MBTD1: variants seen among roughly 807,000 people sequenced by gnomAD.
MBTD1 encodes the protein mbt domain containing 1, also known as MBT domain-containing protein 1.
In MBTD1, 24 loss-of-function variants were observed where a neutral mutation model predicts 87.8. That is an observed-to-expected ratio of 0.27 (90% CI 0.20 to 0.38). The LOEUF is 0.38. Ranked by LOEUF, MBTD1 falls within the 10% of genes least tolerant of loss-of-function variation. The pLI is 1.00. For synonymous variants in MBTD1, 237 were observed against 248.6 expected (o/e 0.95, Z 0.44); for missense variants, 436 against 760.2 (o/e 0.57, Z 5.02).
intron 6 of MBTD1, among the ~76,000 whole-genome samples, chr17:51,216,377 G>A (rs2052570800): frequency 1.3e-5 from 2 of 152,166 alleles, no homozygotes; most frequent in African/African-American, 4.8e-5. Flanking sequence ...GTATTGGACA[G>A]AATTAATCAA....
intron 13 of MBTD1, among the ~76,000 whole-genome samples, chr17:51,194,532 G>GCATTC (rs1483707822): frequency 8.0e-6 from 1 of 125,160 alleles, no homozygotes; most frequent in East Asian, 2.5e-4. Context: ...TAGCACCCCT[G>GCATTC]CATTCCAGCC....
At chr17:51,251,238 C>T in intron 2 of MBTD1, 1 of 152,058 alleles carries the variant, frequency 6.6e-6, no homozygotes, top group East Asian at 1.9e-4. Context: ...TATTTCTGTT[C>T]ATTTCATAGG....
In MBTD1 at chr17:51,192,902, T is replaced by A; in HGVS notation, c.1570A>T (p.Ile524Leu). The A allele has an allele frequency of 6.2e-7, 1 of 1,614,156 alleles. No homozygotes were observed. The highest frequency in any genetic ancestry group is 8.5e-7 in the Non-Finnish European group (1 of 1,179,994). ...TCTTCTTCCCATCCATCAAAATGTA[T>A]CCTCAAGAGACGATGAATAATTCGA... ...VTRIIHRLLRIHFDGWEEEYD... is the reference protein window; with the variant it reads ...VTRIIHRLLRLHFDGWEEEYD... The change falls in exon 15 of 17, where the codon ATA becomes TTA. Residue 524 changes from isoleucine (I) to leucine (L), a missense_variant. By Grantham distance (5) the Ile-to-Leu change is conservative (BLOSUM62 2). Around this residue, in one of 5 missense-constraint regions of MBTD1, gnomAD observed 80 missense variants for 182.2 expected, o/e 0.44. Transcript: ENST00000586178.
chr17:51,259,613 G>A (rs567892999), intron 1 of MBTD1, among the ~76,000 whole-genome samples: 1 of 150,898 alleles, frequency 6.6e-6, no homozygotes, highest in South Asian at 2.1e-4. Flanking sequence ...GGAGGAGATG[G>A]AGAGAACCCC....
At chr17:51,237,312 A>G (rs937016294) in intron 2 of MBTD1, among the ~76,000 whole-genome samples, 4 of 151,438 alleles carry the variant, frequency 2.6e-5, no homozygotes, top group African/African-American at 4.8e-5. Context: ...AAAAAAAAAA[A>G]AAAGAAAAAG....
intron 2 of MBTD1, among the ~76,000 whole-genome samples, chr17:51,248,029 T>C (rs2054551235): frequency 6.6e-6 from 1 of 152,256 alleles, no homozygotes; most frequent in South Asian, 2.1e-4. Flanking sequence ...AAAATAGTTC[T>C]GTATTAAAAT....
chr17:51,223,065 A>G (rs1399823633), intron 3 of MBTD1, among the ~76,000 whole-genome samples: 1 of 151,852 alleles, frequency 6.6e-6, no homozygotes, highest in Non-Finnish European at 1.5e-5. Context: ...CGGCCTCCCA[A>G]AGTGCTGGGA....
At chr17:51,237,295 C>CAAAAAAA (rs368805446) in intron 2 of MBTD1, among the ~76,000 whole-genome samples, 38 of 59,706 alleles carry the variant, frequency 6.4e-4, no homozygotes, top group Middle Eastern at 9.4e-3. Flanking sequence ...GACTCCATCT[C>CAAAAAAA]AAAAAAAAAA....
At chr17:51,187,105 T>C (rs1265510564) in intron 16 of MBTD1, among the ~76,000 whole-genome samples, 4 of 152,078 alleles carry the variant, frequency 2.6e-5, no homozygotes, top group African/African-American at 4.8e-5. Context: ...CTGTAAATTC[T>C]TAAGCAATCT....
At chr17:51,218,597 T>TC (rs1394234525) in intron 5 of MBTD1, among the ~76,000 whole-genome samples, 2 of 150,948 alleles carry the variant, frequency 1.3e-5, no homozygotes, top group Non-Finnish European at 3.0e-5. Context: ...CTCTTACTAC[T>TC]CTTCTTCCCT....
intron 2 of MBTD1, among the ~76,000 whole-genome samples, chr17:51,247,764 C>T (rs984740400): frequency 1.3e-5 from 2 of 152,162 alleles, no homozygotes; most frequent in African/African-American, 2.4e-5. Flanking sequence ...ATTACTCTTA[C>T]GTCACAAAAA....
intron 1 of MBTD1, 142 bp downstream of exon 1, chr17:51,259,693 G>C (rs942718597): frequency 1.4e-6 from 1 of 719,450 alleles, no homozygotes; most frequent in African/African-American, 1.8e-5. Flanking sequence ...AAGGGGGAGG[G>C]GGGCTCCGGA....
At chr17:51,238,512 G>A (rs117218137) in intron 2 of MBTD1, among the ~76,000 whole-genome samples, 3,543 of 152,308 alleles carry the variant, frequency 0.023, 58 homozygotes, top group Non-Finnish European at 0.032. Flanking sequence ...CGTTACAGCT[G>A]TATAGCGGGT....
chr17:51,254,702 A>G (rs999706409), intron 2 of MBTD1, among the ~76,000 whole-genome samples: 2 of 152,182 alleles, frequency 1.3e-5, no homozygotes, highest in Non-Finnish European at 2.9e-5. Context: ...AATAAGAAAA[A>G]CATCACTTAC....
intron 16 of MBTD1, chr17:51,184,635 T>G (rs1470763723): frequency 6.6e-6 from 1 of 152,208 alleles, no homozygotes; most frequent in African/African-American, 2.4e-5. Context: ...GTTTTGCCAG[T>G]GCCAGAAGTT....
intron 6 of MBTD1, among the ~76,000 whole-genome samples, chr17:51,208,090 A>C (rs987270528): frequency 6.6e-6 from 1 of 152,252 alleles, no homozygotes; most frequent in Non-Finnish European, 1.5e-5. Context: ...TCCTCCATGC[A>C]AGGCCCCTCC....
intron 3 of MBTD1, among the ~76,000 whole-genome samples, chr17:51,221,012 G>A (rs2052856198): frequency 6.6e-6 from 1 of 152,178 alleles, no homozygotes; most frequent in South Asian, 2.1e-4. Context: ...TGAGGTAGAG[G>A]CCAGGTGTAG....
intron 6 of MBTD1, 76 bp downstream of exon 6, chr17:51,217,258 G>A (rs1238675436): frequency 2.7e-6 from 2 of 753,924 alleles, no homozygotes; most frequent in Non-Finnish European, 2.2e-6. Flanking sequence ...AGGATAAGAT[G>A]CTTAGGTGTT....
intron 6 of MBTD1, among the ~76,000 whole-genome samples, chr17:51,208,598 A>G (rs1365227244): frequency 6.6e-6 from 1 of 152,252 alleles, no homozygotes; most frequent in African/African-American, 2.4e-5. Context: ...CTATTCGAGT[A>G]GATAGATGCA....
Sources: gnomAD v4.1 joint callset for allele counts (sites outside exome capture counted in the v4.1 genomes callset) on GRCh38, gnomAD v4.1.1 for gene constraint, gnomAD v4.1.1 regional missense constraint, MANE v1.5 for transcripts, NCBI Gene and HGNC (gene_info 2026-07-23, HGNC 2026-07-21) for gene names.